The following ABCC11 variants were observed in gnomAD, a reference collection of about 807,000 sequenced individuals.
ABCC11 encodes ATP binding cassette subfamily C member 11, also known as ATP-binding cassette sub-family C member 11.
ABCC11 carries 135 observed loss-of-function variants against 149.3 expected under a neutral mutation model. The ratio of observed to expected loss-of-function variants is 0.90; its 90% CI spans 0.79 to 1.04. The LOEUF is 1.04. Among genes scored for constraint, ABCC11 ranks in the 50% least tolerant of loss-of-function variants. The probability of loss-of-function intolerance (pLI) is 0.00; values close to 1 mark genes in which losing one functional copy is unlikely to be tolerated. For synonymous variants in ABCC11, 665 were observed against 671.4 expected (o/e 0.99, Z 0.15); for missense variants, 1,680 against 1,722.1 (o/e 0.98, Z 0.43).
chr16:48,224,340 C>T lies in ABCC11; in HGVS notation c.485G>A (p.Arg162Lys), dbSNP rs148081795. 1 of 1,614,062 alleles carries T rather than the reference C, an allele frequency of 6.2e-7. No homozygotes were observed. The highest frequency in any genetic ancestry group is 1.3e-5 in the African/African-American group (1 of 74,900). ...GCCCAGAAGTGCATCGAAAATCAAC[C>T]TTGTTCTCTGGAACCTCAGCATCAC... ...LLVMLRFQRT[R>K]LIFDALLGIC... The change falls in exon 5 of 30, where the codon AGG (arginine) becomes AAG (lysine). Residue 162 changes from arginine (R) to lysine (K), a missense_variant. By Grantham distance (26) the Arg-to-Lys change is conservative (BLOSUM62 2). Transcript: ENST00000356608.
intron 1 of ABCC11, among the ~76,000 whole-genome samples, chr16:48,240,787 C>A (rs1371642556): frequency 6.6e-6 from 1 of 151,992 alleles, no homozygotes; most frequent in Non-Finnish European, 1.5e-5. Context: ...GAAATTATCT[C>A]CTTACATAAT....
At chr16:48,213,207 T>C (rs755641945) in intron 10 of ABCC11, among the ~76,000 whole-genome samples, 2 of 152,254 alleles carry the variant, frequency 1.3e-5, no homozygotes, top group Non-Finnish European at 2.9e-5. Context: ...AGAGCATCTG[T>C]CTGAGACCTG....
chr16:48,235,031 A>G (rs1206921014), intron 1 of ABCC11: 5 of 152,252 alleles, frequency 3.3e-5, no homozygotes, highest in Non-Finnish European at 7.3e-5. Context: ...TTAAAATGGT[A>G]AGCCAAAACA....
chr16:48,166,356 C>T lies in ABCC11; in HGVS notation c.*918G>A, dbSNP rs1216076578. Among the ~76,000 whole-genome samples, 1 of 152,104 alleles carries T rather than the reference C, an allele frequency of 6.6e-6. No individual in the cohort carries two copies. Among genetic ancestry groups the T allele is most frequent in the Non-Finnish European group, 1.5e-5 (1 of 68,016 alleles). On this transcript the variant is annotated 3_prime_UTR_variant, in exon 30 of 30. Coordinates refer to ENST00000356608, the MANE Select transcript of ABCC11 (RefSeq NM_001370497.1). ...CCTGGAGCTGCAGGCAACCATATTG[C>T]CACCATGAGGCAAGAGGAAGTTAGA...
chr16:48,171,513 A>G (rs1213980162), intron 26 of ABCC11, among the ~76,000 whole-genome samples: 1 of 152,244 alleles, frequency 6.6e-6, no homozygotes. Flanking sequence ...ATGAGTCATT[A>G]GAGGCCACTT....
At chr16:48,199,940 T>C (rs1967800489) in intron 15 of ABCC11, among the ~76,000 whole-genome samples, 1 of 152,114 alleles carries the variant, frequency 6.6e-6, no homozygotes, top group Admixed American at 6.6e-5. Context: ...CCTCCCAAAG[T>C]GCTGGGATTA....
chr16:48,197,999 G>C lies in ABCC11; in HGVS notation c.2286C>G (p.Ser762=). 1 of 1,614,158 alleles carries C rather than the reference G, an allele frequency of 6.2e-7. No homozygotes were observed. Among genetic ancestry groups the C allele is most frequent in the Non-Finnish European group, 8.5e-7 (1 of 1,180,038 alleles). ...CATTTCCGTTGAGAGACTCTTCCAG[G>C]GAGGTGGCCAGAGCCTGACTTTCTA... ...PKVESQALAT[S]LEESLNGNAV... is the part of the protein sequence containing the mutation. The change falls in exon 17 of 30, where the codon TCC becomes TCG. Residue 762 remains serine (S), a synonymous_variant. Coordinates refer to ENST00000356608, the MANE Select transcript of ABCC11 (RefSeq NM_001370497.1).
intron 22 of ABCC11, 137 bp downstream of exon 22, chr16:48,186,816 T>G (rs1297638468): frequency 1.6e-5 from 18 of 1,102,444 alleles, no homozygotes; most frequent in Non-Finnish European, 2.3e-5. Context: ...TTCTGGAGGC[T>G]CAGAGAAATA....
At chr16:48,236,428 C>T (rs147365040) in intron 1 of ABCC11, among the ~76,000 whole-genome samples, 4 of 152,340 alleles carry the variant, frequency 2.6e-5, no homozygotes, top group Non-Finnish European at 4.4e-5. Context: ...TTCCTTTACT[C>T]ATCACATTCT....
chr16:48,170,182 CCACAT>C lies in ABCC11; in HGVS notation c.3809_3813del (p.Asp1270GlyfsTer32), dbSNP rs1443341609. On this transcript the variant is annotated frameshift_variant, in exon 28 of 30. Transcript: ENST00000356608. LOFTEE classifies it high-confidence loss of function. Reference sequence around the variant, plus strand: ...ACAGAGAAGTTTCCACCGTTTTCCACCACATCTGTATGCAGCTTTTTGGGGAACTT... The same window carrying C: ...ACAGAGAAGTTTCCACCGTTTTCCACCTGTATGCAGCTTTTTGGGGAACTT... The C allele has an allele frequency of 3.1e-6, 5 of 1,614,026 alleles. No individual in the cohort carries two copies. The highest frequency in any genetic ancestry group is 4.2e-6 in the Non-Finnish European group (5 of 1,180,000).
At chr16:48,211,318 TAA>T (rs1968910581) in intron 10 of ABCC11, 119 bp from the exon 11 acceptor site, 1 of 1,305,200 alleles carries the variant, frequency 7.7e-7, no homozygotes, top group Non-Finnish European at 1.0e-6. Context: ...TAATAAGCAG[TAA>T]AAGTTTGCAG....
chr16:48,182,904 C>T (rs1473859809), intron 23 of ABCC11, among the ~76,000 whole-genome samples: 1 of 151,996 alleles, frequency 6.6e-6, no homozygotes, highest in Non-Finnish European at 1.5e-5. Flanking sequence ...GATTCCTCAT[C>T]TGTAAAAGGG....
intron 3 of ABCC11, among the ~76,000 whole-genome samples, chr16:48,230,078 AC>A (rs1970330523): frequency 3.9e-5 from 6 of 152,142 alleles, no homozygotes; most frequent in Admixed American, 2.0e-4. Context: ...ATACTTCTTC[AC>A]AGCACCTTCC....
intron 2 of ABCC11, 138 bp from the exon 3 acceptor site, chr16:48,230,711 A>G: frequency 9.6e-7 from 1 of 1,046,638 alleles, no homozygotes. Context: ...TACCGAGAAT[A>G]AGCAGGGGAC....
intron 20 of ABCC11, among the ~76,000 whole-genome samples, chr16:48,189,403 G>A (rs1292726452): frequency 1.3e-5 from 2 of 152,062 alleles, no homozygotes; most frequent in Non-Finnish European, 2.9e-5. Flanking sequence ...AAATGATCTG[G>A]GGTTGTTCTT....
intron 6 of ABCC11, among the ~76,000 whole-genome samples, chr16:48,221,842 A>C (rs1363063953): frequency 6.6e-6 from 1 of 152,060 alleles, no homozygotes; most frequent in East Asian, 1.9e-4. Context: ...CTTGGGCTCA[A>C]GCGATCCTCC....
At chr16:48,165,020 G>A, downstream of ABCC11, 1 of 152,174 alleles carries the variant, frequency 6.6e-6, no homozygotes, top group Non-Finnish European at 1.5e-5. Flanking sequence ...AGCCCAGTGG[G>A]GCCATCACCG....
chr16:48,244,062 T>TA (rs1443795009), intron 1 of ABCC11: 1 of 232,068 alleles, frequency 4.3e-6, no homozygotes, highest in Non-Finnish European at 8.3e-6. Flanking sequence ...CAAGTATATG[T>TA]AAAAAATCGA....
intron 3 of ABCC11, among the ~76,000 whole-genome samples, chr16:48,229,453 C>CTTTTTT (rs940739382): frequency 8.4e-6 from 1 of 119,094 alleles, no homozygotes; most frequent in Non-Finnish European, 1.7e-5. Flanking sequence ...AGGCTGGTAA[C>CTTTTTT]TTTTTTTTTT....
Sources: gnomAD v4.1 joint callset for allele counts (sites outside exome capture counted in the v4.1 genomes callset) on GRCh38, gnomAD v4.1.1 for gene constraint, MANE v1.5 for transcripts, NCBI Gene and HGNC (gene_info 2026-07-23, HGNC 2026-07-21) for gene names.